Variants in BCL2L15 observed in about 807,000 individuals in gnomAD.
BCL2L15 encodes the protein BCL2 like 15, also known as bcl-2-like protein 15.
A neutral mutation model predicts 18.3 loss-of-function variants in BCL2L15; 15 were observed. The observed-to-expected ratio is 0.82, with a 90% CI of 0.55 to 1.26. BCL2L15 has a LOEUF of 1.26. Among genes scored for constraint, BCL2L15 ranks in the 50% most tolerant of loss-of-function variants. BCL2L15 has a pLI of 0.00. For synonymous variants in BCL2L15, 58 were observed against 68.5 expected (o/e 0.85, Z 0.76); for missense variants, 180 against 201.7 (o/e 0.89, Z 0.65).
In BCL2L15 at chr1:113,879,733, G is replaced by A. The variant is rs1558068811; in HGVS notation, c.*1390C>T. 1 of 152,290 alleles carries A rather than the reference G, an allele frequency of 6.6e-6. No homozygotes were observed. Among genetic ancestry groups the A allele is most frequent in the East Asian group, 1.9e-4 (1 of 5,196 alleles). The allele number at this position is 152,290 out of a possible 1,614,324, so 9.4% of individuals were successfully genotyped here. A position where few individuals can be genotyped will look rare whatever the true frequency, so the allele number is the denominator to read the frequency against. ...AAAGGGCCAGCTAGTAAATATTTTGGACTTAACCAGCCATATGGTCTTCTA... is the reference window on the plus strand; with the variant it reads ...AAAGGGCCAGCTAGTAAATATTTTGAACTTAACCAGCCATATGGTCTTCTA... On this transcript the variant is annotated 3_prime_UTR_variant, in exon 4 of 4. Coordinates refer to ENST00000393316, the MANE Select transcript of BCL2L15 (RefSeq NM_001010922.3).
chr1:113,887,359 G>A lies in BCL2L15; in HGVS notation c.17C>T (p.Thr6Ile), dbSNP rs1318336270. 7 of 1,614,108 alleles carry A rather than the reference G, an allele frequency of 4.3e-6. No individual in the cohort carries two copies. The highest frequency in any genetic ancestry group is 5.9e-6 in the Non-Finnish European group (7 of 1,179,962). The stretch of plus-strand genomic sequence containing the variant: ...AATGCATTCCGTTTGTTCCTCAAAA[G>A]TTTGGGAGCTCTTCATTTTAGATGT... The part of the protein sequence containing the change: MKSSQ[T>I]FEEQTECIVN... Residue 6 changes from threonine to isoleucine, a missense_variant, in exon 1 of 4, where the codon ACT (threonine) becomes ATT (isoleucine). Transcript: ENST00000393316.
chr1:113,876,886 G>A lies in BCL2L15; in HGVS notation c.*4237C>T, dbSNP rs567086595. ...GATGTACATGCCAGATAATGAAGAG[G>A]AGGGGTGTTACAGAAGTATACAACA... On this transcript the variant is annotated 3_prime_UTR_variant, in exon 4 of 4. Transcript: ENST00000393316. Among the ~76,000 whole-genome samples, 1 of 152,270 alleles carries A rather than the reference G, an allele frequency of 6.6e-6. No homozygotes were observed. The highest frequency in any genetic ancestry group is 1.5e-5 in the Non-Finnish European group (1 of 68,024).
At chr1:113,885,784 T>G (rs1667011749) in intron 2 of BCL2L15, among the ~76,000 whole-genome samples, 1 of 152,012 alleles carries the variant, frequency 6.6e-6, no homozygotes, top group Non-Finnish European at 1.5e-5. Context: ...GGCTCACCCC[T>G]GTAGTCCCAG....
intron 2 of BCL2L15, among the ~76,000 whole-genome samples, chr1:113,883,618 CAAA>C (rs74443242): frequency 8.9e-6 from 1 of 112,926 alleles, no homozygotes; most frequent in Admixed American, 9.4e-5. Context: ...TACTAAAATA[CAAA>C]AAAAAAAAAA....
At chr1:113,886,712 G>A in intron 1 of BCL2L15, 54 bp from the exon 2 acceptor site, 2 of 1,531,886 alleles carry the variant, frequency 1.3e-6, no homozygotes, top group Non-Finnish European at 1.8e-6. Context: ...GCAAGTCCCA[G>A]GAATCTGGGC....
intron 2 of BCL2L15, among the ~76,000 whole-genome samples, chr1:113,884,614 A>C (rs1046268428): frequency 6.6e-6 from 1 of 152,208 alleles, no homozygotes; most frequent in African/African-American, 2.4e-5. Flanking sequence ...GGGAAGTATA[A>C]AAGTATTAGG....
At chr1:113,885,917 A>G (rs992296038) in intron 2 of BCL2L15, among the ~76,000 whole-genome samples, 3 of 151,564 alleles carry the variant, frequency 2.0e-5, no homozygotes, top group Admixed American at 2.0e-4. Flanking sequence ...CTCAAAAAAA[A>G]AAAGCATAGG....
chr1:113,887,130 T>G, intron 1 of BCL2L15, 119 bp downstream of exon 1: 1 of 885,948 alleles, frequency 1.1e-6, no homozygotes. Context: ...ACCCCTGACT[T>G]CAGGTGATCC....
In BCL2L15 at chr1:113,878,840, T is replaced by G. The variant is rs1169287947; in HGVS notation, c.*2283A>C. The G allele has an allele frequency of 6.6e-6, 1 of 152,072 alleles. No individual in the cohort carries two copies. Among genetic ancestry groups the G allele is most frequent in the Non-Finnish European group, 1.5e-5 (1 of 68,006 alleles). The allele number at this position is 152,072 out of a possible 1,614,324, so 9.4% of individuals were successfully genotyped here. Reference sequence around the variant, plus strand: ...TTAACTAGGAATAGAGGAAAAAGCATAACTTTATTTATTTTCTTTTTTTTT... The same window carrying G: ...TTAACTAGGAATAGAGGAAAAAGCAGAACTTTATTTATTTTCTTTTTTTTT... On this transcript the variant is annotated 3_prime_UTR_variant, in exon 4 of 4. Coordinates refer to ENST00000393316, the MANE Select transcript of BCL2L15 (RefSeq NM_001010922.3).
rs957806728 is a variant in BCL2L15 at position 113,876,916 on chromosome 1, G to C, written c.*4207C>G. On this transcript the variant is annotated 3_prime_UTR_variant, in exon 4 of 4. Transcript: ENST00000393316. Reference sequence around the variant, plus strand: ...GTGTTACAGAAGTATACAACAAATTGTATCATTCAGCAATCCTTTATCCTA... The same window carrying C: ...GTGTTACAGAAGTATACAACAAATTCTATCATTCAGCAATCCTTTATCCTA... Among the ~76,000 whole-genome samples, 1 of 152,124 alleles carries C rather than the reference G, an allele frequency of 6.6e-6. No homozygotes were observed. The highest frequency in any genetic ancestry group is 1.5e-5 in the Non-Finnish European group (1 of 68,042).
At position 113,878,293 on chromosome 1, in the gene BCL2L15, A is replaced by G. The variant is rs1666774801; in HGVS notation, c.*2830T>C. 1 of 152,266 alleles carries G rather than the reference A, an allele frequency of 6.6e-6. No individual in the cohort carries two copies. The highest frequency in any genetic ancestry group is 1.5e-5 in the Non-Finnish European group (1 of 68,042). The allele number at this position is 152,266 out of a possible 1,614,324, so 9.4% of individuals were successfully genotyped here. On this transcript the variant is annotated 3_prime_UTR_variant, in exon 4 of 4. Transcript: ENST00000393316. The stretch of plus-strand genomic sequence containing the variant: ...AATTATGTCTCTTGCCCAATGTCAC[A>G]TAATTAGCCTATGGTGAAACTAAAG...
rs762002838 is a variant in BCL2L15 at position 113,881,804 on chromosome 1, A to G, written c.443T>C (p.Ile148Thr). 2.5e-6 allele frequency: 4 copies of G among 1,614,214 alleles called. No individual in the cohort carries two copies. Among genetic ancestry groups the G allele is most frequent in the Non-Finnish European group, 3.4e-6 (4 of 1,180,028 alleles). ...MTGMINGNQA[I>T]REFIQGQGGW... ...TCCCTGGCCCTGGATGAACTCCCGG[A>G]TGGCTTGGTTCCCATTGATCATACC... The change falls in exon 3 of 4, where the codon ATC becomes ACC. Residue 148 changes from isoleucine to threonine, a missense_variant. Physicochemically the swap from Ile to Thr is moderately conservative, Grantham distance 89. Coordinates refer to ENST00000393316, the MANE Select transcript of BCL2L15 (RefSeq NM_001010922.3).
At chr1:113,882,844 G>T (rs1174977592) in intron 2 of BCL2L15, among the ~76,000 whole-genome samples, 1 of 151,846 alleles carries the variant, frequency 6.6e-6, no homozygotes, top group Non-Finnish European at 1.5e-5. Flanking sequence ...TGAGGCTGAG[G>T]TTGGAGGATC....
chr1:113,886,590 CG>C lies in BCL2L15; in HGVS notation c.195del (p.Asn65LysfsTer42). ...TTTTTGGCAGAAGCTTCCAATTCTC[CG>C]TTGAACTGGTCACCCAACATCCGAA... The part of the protein sequence containing the change: ...GRLRMLGDQF[N>X]GELEASAKNV... On this transcript the variant is annotated frameshift_variant, in exon 2 of 4. Coordinates refer to ENST00000393316, the MANE Select transcript of BCL2L15 (RefSeq NM_001010922.3). LOFTEE classifies it high-confidence loss of function. 1 of 1,614,014 alleles carries C rather than the reference CG, an allele frequency of 6.2e-7. No individual in the cohort carries two copies. Among genetic ancestry groups the C allele is most frequent in the Non-Finnish European group, 8.5e-7 (1 of 1,179,976 alleles).
In BCL2L15 at chr1:113,879,899, A is replaced by G. The variant is rs1428225203; in HGVS notation, c.*1224T>C. The G allele has an allele frequency of 6.6e-6, 1 of 152,356 alleles. No individual in the cohort carries two copies. Among genetic ancestry groups the G allele is most frequent in the East Asian group, 1.9e-4 (1 of 5,192 alleles). 9.4% of individuals were successfully genotyped at this position (152,356 alleles called of 1,614,324 possible). On this transcript the variant is annotated 3_prime_UTR_variant, in exon 4 of 4. Coordinates refer to ENST00000393316, the MANE Select transcript of BCL2L15 (RefSeq NM_001010922.3). ...TTGACGCGTGGGTTGTAATTTATCAATCTATTCTCTATAGTGATGGCTGTC... is the reference window on the plus strand; with the variant it reads ...TTGACGCGTGGGTTGTAATTTATCAGTCTATTCTCTATAGTGATGGCTGTC...
chr1:113,887,073 C>A (rs1571516183), intron 1 of BCL2L15, among the ~76,000 whole-genome samples, 176 bp downstream of exon 1: 1 of 152,074 alleles, frequency 6.6e-6, no homozygotes, highest in African/African-American at 2.4e-5. Flanking sequence ...AATTTTTCTA[C>A]TTTTAGTAGA....
At chr1:113,881,699 T>C in intron 3 of BCL2L15, 74 bp downstream of exon 3, 4 of 1,491,130 alleles carry the variant, frequency 2.7e-6, no homozygotes, top group East Asian at 2.4e-5. Context: ...AAAAGGGTCA[T>C]GAATTGGAAT....
At chr1:113,887,149 TGGCCTCCCAAAGTGCTG>T in intron 1 of BCL2L15, 83 bp downstream of exon 1, 1 of 1,127,520 alleles carries the variant, frequency 8.9e-7, no homozygotes, top group Non-Finnish European at 1.3e-6. Flanking sequence ...CCACCCACCT[TGGCCTCCCAAAGTGCTG>T]GGATTACGGG....
chr1:113,879,442 C>T lies in BCL2L15; in HGVS notation c.*1681G>A, dbSNP rs1314249910. On this transcript the variant is annotated 3_prime_UTR_variant, in exon 4 of 4. Coordinates refer to ENST00000393316, the MANE Select transcript of BCL2L15 (RefSeq NM_001010922.3). Reference sequence around the variant, plus strand: ...AAGATCATACAAATCATAAGCTTTGCTTCCAATCACTCTCACTTGTAGGGC... The same window carrying T: ...AAGATCATACAAATCATAAGCTTTGTTTCCAATCACTCTCACTTGTAGGGC... 1 of 152,334 alleles carries T rather than the reference C, an allele frequency of 6.6e-6. No homozygotes were observed. Among genetic ancestry groups the T allele is most frequent in the African/African-American group, 2.4e-5 (1 of 41,438 alleles). 9.4% of individuals were successfully genotyped at this position (152,334 alleles called of 1,614,324 possible).
Sources: allele counts gnomAD v4.1 joint callset (sites outside exome capture counted in the v4.1 genomes callset), GRCh38; gene constraint gnomAD v4.1.1; transcripts MANE v1.5; gene names NCBI Gene and HGNC (gene_info 2026-07-23, HGNC 2026-07-21).